UNC13C: variants seen among roughly 807,000 people sequenced by gnomAD.
UNC13C encodes the protein protein unc-13 homolog C.
Under a neutral mutation model 245.4 loss-of-function variants are expected in UNC13C, and 174 were observed. The observed-to-expected ratio is 0.71, with a 90% confidence interval of 0.63 to 0.80. The LOEUF is 0.80. UNC13C is among the 30% of genes least tolerant of loss of function. The pLI is 0.00. For synonymous variants in UNC13C, 992 were observed against 895.1 expected, an observed-to-expected ratio of 1.11 and a Z score of -1.93; for missense variants, 2,829 against 2,602.9, an observed-to-expected ratio of 1.09 and a Z score of -1.89.
At chr15:53,862,637 C>G in the UNC13C span, among the ~76,000 whole-genome samples, 1 of 152,058 alleles carries the variant, frequency 6.6e-6, no homozygotes, top group African/African-American at 2.4e-5. Flanking sequence ...CTTATGCATT[C>G]ATCAAAATTA....
chr15:53,844,246 T>G, the UNC13C span, among the ~76,000 whole-genome samples: 1 of 152,164 alleles, frequency 6.6e-6, no homozygotes, highest in Non-Finnish European at 1.5e-5. Context: ...ATTTTAATAT[T>G]CTTGGTGAAG....
chr15:53,996,553 GA>G (rs1894642047), intron 1 of UNC13C, among the ~76,000 whole-genome samples: 1 of 152,090 alleles, frequency 6.6e-6, no homozygotes, highest in Non-Finnish European at 1.5e-5. Flanking sequence ...TTTTAAAAAT[GA>G]AAACACTTAA....
chr15:54,278,255 G>A (rs2036886325), intron 10 of UNC13C, among the ~76,000 whole-genome samples: 2 of 152,088 alleles, frequency 1.3e-5, no homozygotes, highest in Admixed American at 6.5e-5. Flanking sequence ...TATGGATCTT[G>A]TGATTTTAGA....
At chr15:54,003,915 G>T (rs898344001) in intron 1 of UNC13C, among the ~76,000 whole-genome samples, 50 of 152,254 alleles carry the variant, frequency 3.3e-4, no homozygotes, top group Non-Finnish European at 5.9e-4. Context: ...GGAGGCTGAG[G>T]CAGGAGAATG....
At chr15:54,149,372 T>C (rs1032097291) in intron 4 of UNC13C, among the ~76,000 whole-genome samples, 1 of 152,226 alleles carries the variant, frequency 6.6e-6, no homozygotes, top group Non-Finnish European at 1.5e-5. Context: ...GAGTTCACTA[T>C]AGAGTTAGGT....
intron 19 of UNC13C, among the ~76,000 whole-genome samples, chr15:54,449,714 G>T (rs1230715031): frequency 6.6e-6 from 1 of 152,118 alleles, no homozygotes; most frequent in South Asian, 2.1e-4. Context: ...TTTGCAATGG[G>T]TTCAAACTTC....
intron 19 of UNC13C, among the ~76,000 whole-genome samples, chr15:54,455,374 C>A (rs1891461348): frequency 1.3e-5 from 2 of 150,144 alleles, no homozygotes; most frequent in Non-Finnish European, 3.0e-5. Context: ...GGGTAGATAC[C>A]CAGTAGACGG....
At chr15:54,546,608 C>T (rs1356403268) in intron 26 of UNC13C, 114 bp from the exon 27 acceptor site, 2 of 547,492 alleles carry the variant, frequency 3.7e-6, no homozygotes, top group African/African-American at 2.0e-5. Flanking sequence ...TGAGATTATA[C>T]ATTTTGTATA....
chr15:54,462,028 A>G (rs1478785658), intron 19 of UNC13C, among the ~76,000 whole-genome samples: 1 of 152,174 alleles, frequency 6.6e-6, no homozygotes, highest in Admixed American at 6.5e-5. Context: ...ATGACTAGTC[A>G]GCAGAGTTGT....
chr15:54,245,829 A>C (rs754955691), intron 7 of UNC13C, among the ~76,000 whole-genome samples: 2 of 152,152 alleles, frequency 1.3e-5, no homozygotes, highest in Non-Finnish European at 2.9e-5. Context: ...TGAAAGTATC[A>C]AAATGTGATA....
At chr15:54,165,154 A>G (rs1450588803) in intron 4 of UNC13C, among the ~76,000 whole-genome samples, 1 of 152,032 alleles carries the variant, frequency 6.6e-6, no homozygotes, top group Non-Finnish European at 1.5e-5. Context: ...ACTGTTTACA[A>G]TTTTTTGAAT....
chr15:54,054,945 T>C (rs1310487522), intron 2 of UNC13C, among the ~76,000 whole-genome samples: 3 of 152,192 alleles, frequency 2.0e-5, no homozygotes, highest in Admixed American at 6.5e-5. Flanking sequence ...ATCATCTGCA[T>C]TGTTGTAACA....
intron 19 of UNC13C, among the ~76,000 whole-genome samples, chr15:54,485,041 T>A (rs1893333469): frequency 6.6e-6 from 1 of 152,050 alleles, no homozygotes; most frequent in South Asian, 2.1e-4. Context: ...AGCAAAAAAA[T>A]TTACTGACAC....
intron 4 of UNC13C, among the ~76,000 whole-genome samples, chr15:54,160,737 A>G (rs1477770327): frequency 6.6e-6 from 1 of 152,214 alleles, no homozygotes; most frequent in African/African-American, 2.4e-5. Flanking sequence ...TATTAAATGA[A>G]TTGACATGTG....
intron 19 of UNC13C, among the ~76,000 whole-genome samples, chr15:54,428,533 C>T (rs1488041327): frequency 6.6e-6 from 1 of 151,576 alleles, no homozygotes; most frequent in Non-Finnish European, 1.5e-5. Flanking sequence ...GAGCCACCCT[C>T]AATCTATCAG....
intron 24 of UNC13C, among the ~76,000 whole-genome samples, chr15:54,524,198 A>G (rs1895348022): frequency 6.7e-6 from 1 of 149,612 alleles, no homozygotes; most frequent in African/African-American, 2.6e-5. Flanking sequence ...AGATATGTTA[A>G]TTTTCTCACT....
At position 54,146,829 on chromosome 15, in the gene UNC13C, G is replaced by A. The variant is rs374924307; in HGVS notation, c.3071+3145G>A. Among the ~76,000 whole-genome samples, 12 of 152,322 alleles carry A rather than the reference G, an allele frequency of 7.9e-5. No homozygotes were observed. In the East Asian group the frequency reaches 1.7e-3, roughly 22 times the overall value. ...TAAAATGGAGAGGTAGCAGAAGTAG[G>A]TGAGAAGAGCCTTTGGACCATGACA... On this transcript the variant is annotated intron_variant, in intron 4 of 32. Transcript: ENST00000260323.
At chr15:54,554,112 G>T (rs1379959617) in intron 28 of UNC13C, among the ~76,000 whole-genome samples, 1 of 151,938 alleles carries the variant, frequency 6.6e-6, no homozygotes, top group Non-Finnish European at 1.5e-5. Context: ...TTCTATTGGA[G>T]CATATAAAAT....
chr15:53,843,473 T>TAC, the UNC13C span, among the ~76,000 whole-genome samples: 1 of 151,852 alleles, frequency 6.6e-6, no homozygotes, highest in East Asian at 1.9e-4. Flanking sequence ...AATATATATA[T>TAC]ACATATATCA....
Sources: allele counts gnomAD v4.1 joint callset (sites outside exome capture counted in the v4.1 genomes callset), GRCh38; gene constraint gnomAD v4.1.1; transcripts MANE v1.5; gene names NCBI Gene and HGNC (gene_info 2026-07-23, HGNC 2026-07-21).